Variants in PLPP1 observed in about 807,000 individuals in gnomAD.
PLPP1 encodes lipid phosphate phosphohydrolase 1a.
Under a neutral mutation model 31.2 loss-of-function variants are expected in PLPP1, and 24 were observed. The ratio of observed to expected loss-of-function variants is 0.77; its 90% CI spans 0.56 to 1.08. PLPP1 has a LOEUF of 1.08. Among genes scored for constraint, PLPP1 ranks in the 50% least tolerant of loss-of-function variants. The probability of loss-of-function intolerance (pLI) is 0.00; values close to 1 mark genes in which losing one functional copy is unlikely to be tolerated. For synonymous variants in PLPP1, 146 were observed against 126.3 expected (o/e 1.16, Z -1.05); for missense variants, 319 against 342.7 (o/e 0.93, Z 0.55).
At chr5:55,447,113 G>GT (rs1561226850) in intron 3 of PLPP1, among the ~76,000 whole-genome samples, 1 of 151,964 alleles carries the variant, frequency 6.6e-6, no homozygotes, top group Non-Finnish European at 1.5e-5. Context: ...TGTGTGTAAC[G>GT]TATCATGTAG....
At chr5:55,475,699 A>C (rs1218349155) in intron 1 of PLPP1, among the ~76,000 whole-genome samples, 1 of 152,236 alleles carries the variant, frequency 6.6e-6, no homozygotes, top group Non-Finnish European at 1.5e-5. Flanking sequence ...ACAAAGAGTT[A>C]TCTTTCCTTT....
intron 3 of PLPP1, among the ~76,000 whole-genome samples, chr5:55,448,540 TG>T (rs774908686): frequency 6.8e-6 from 1 of 147,710 alleles, no homozygotes; most frequent in Non-Finnish European, 1.5e-5. Flanking sequence ...CTCCACCTCC[TG>T]GGTTCAAGCG....
In PLPP1 at chr5:55,511,650, G is replaced by GTTTT. The variant is rs1158182340; in HGVS notation, c.58+22918_58+22921dup. On this transcript the variant is annotated intron_variant, in intron 1 of 5. Transcript: ENST00000307259. ...ACTTTAGCGATTTAACACGTGTTGA[G>GTTTT]TTTTTTTTTTTTTTTTTTTTTTTTT... 1.4e-3 allele frequency among the ~76,000 whole-genome samples: 70 copies of GTTTT among 51,498 alleles called. 12 individuals are homozygous for GTTTT. The highest frequency in any genetic ancestry group is 4.3e-3 in the African/African-American group (48 of 11,162). 33.8% of individuals were successfully genotyped at this position (51,498 alleles called of 152,430 possible). A position where few individuals can be genotyped will look rare whatever the true frequency, so the allele number is the denominator to read the frequency against.
chr5:55,431,988 C>G (rs1329973890), intron 4 of PLPP1, among the ~76,000 whole-genome samples: 3 of 152,184 alleles, frequency 2.0e-5, no homozygotes, highest in Non-Finnish European at 4.4e-5. Context: ...GTGGCGTGAT[C>G]ATCACTCACT....
At chr5:55,532,471 T>C (rs1740703898) in intron 1 of PLPP1, among the ~76,000 whole-genome samples, 1 of 152,236 alleles carries the variant, frequency 6.6e-6, no homozygotes, top group Non-Finnish European at 1.5e-5. Flanking sequence ...ATATATTTTT[T>C]TCTGATCGAA....
intron 1 of PLPP1, among the ~76,000 whole-genome samples, chr5:55,516,030 C>T (rs756335723): frequency 6.6e-5 from 10 of 152,140 alleles, no homozygotes; most frequent in Non-Finnish European, 8.8e-5. Context: ...AAACCAGGTT[C>T]TCATCTAGCA....
At chr5:55,514,053 G>GA (rs528884341) in intron 1 of PLPP1, among the ~76,000 whole-genome samples, 1 of 151,860 alleles carries the variant, frequency 6.6e-6, no homozygotes, top group Non-Finnish European at 1.5e-5. Flanking sequence ...AATATGTGTA[G>GA]AAAAAAAATT....
At position 55,518,079 on chromosome 5, in the gene PLPP1, T is replaced by C. The variant is rs192555087; in HGVS notation, c.58+16493A>G. On this transcript the variant is annotated intron_variant, in intron 1 of 5. Transcript: ENST00000307259. ...CAGACTACTGATCTCGTGATCCGCCTGCCTCGGCCTCCCAGAGTGCTGGGA... is the reference window on the plus strand; with the variant it reads ...CAGACTACTGATCTCGTGATCCGCCCGCCTCGGCCTCCCAGAGTGCTGGGA... Among the ~76,000 whole-genome samples the C allele has an allele frequency of 6.5e-4, 99 of 152,236 alleles. No homozygotes were observed. In the East Asian group the frequency reaches 7.9e-3, roughly 12 times the overall value.
chr5:55,499,272 T>C (rs1452275369), intron 1 of PLPP1, among the ~76,000 whole-genome samples: 2 of 152,222 alleles, frequency 1.3e-5, no homozygotes, highest in African/African-American at 4.8e-5. Context: ...GAACTTCCTA[T>C]GTCCATATCC....
intron 1 of PLPP1, among the ~76,000 whole-genome samples, chr5:55,525,957 G>C (rs1391492581): frequency 6.6e-6 from 1 of 151,870 alleles, no homozygotes; most frequent in Non-Finnish European, 1.5e-5. Context: ...TTGAATTAAG[G>C]CACCTAAATT....
intron 3 of PLPP1, among the ~76,000 whole-genome samples, chr5:55,467,150 TA>T (rs1242912383): frequency 6.6e-6 from 1 of 151,652 alleles, no homozygotes; most frequent in African/African-American, 2.4e-5. Context: ...AGTTACCTTA[TA>T]AAAAAAAATC....
intron 2 of PLPP1, among the ~76,000 whole-genome samples, chr5:55,474,326 T>TAAA (rs1252471447): frequency 6.6e-6 from 1 of 152,132 alleles, no homozygotes; most frequent in Non-Finnish European, 1.5e-5. Context: ...AAATCTTGTT[T>TAAA]ATAAAGTCAC....
At chr5:55,428,852 T>C (rs1376690043) in intron 4 of PLPP1, among the ~76,000 whole-genome samples, 1 of 152,198 alleles carries the variant, frequency 6.6e-6, no homozygotes, top group Non-Finnish European at 1.5e-5. Flanking sequence ...GTTACTTCTC[T>C]TTTAAGAGTA....
At chr5:55,466,741 G>T (rs1752305064) in intron 3 of PLPP1, among the ~76,000 whole-genome samples, 1 of 151,912 alleles carries the variant, frequency 6.6e-6, no homozygotes, top group African/African-American at 2.4e-5. Flanking sequence ...AAAAATTGAA[G>T]CTATTAGCAG....
chr5:55,475,209 G>A, intron 2 of PLPP1, 90 bp downstream of exon 2: 1 of 1,133,712 alleles, frequency 8.8e-7, no homozygotes. Flanking sequence ...ATTGTTTTTG[G>A]AGGATTACAC....
intron 4 of PLPP1, among the ~76,000 whole-genome samples, chr5:55,426,745 C>G (rs1034180943): frequency 2.0e-5 from 3 of 152,112 alleles, no homozygotes; most frequent in Admixed American, 6.5e-5. Flanking sequence ...GGATAAAGTG[C>G]TAGCATTCTG....
At chr5:55,511,503 G>A (rs1306229613) in intron 1 of PLPP1, among the ~76,000 whole-genome samples, 4 of 151,908 alleles carry the variant, frequency 2.6e-5, no homozygotes, top group African/African-American at 9.7e-5. Flanking sequence ...TTAAAAAAAT[G>A]TGGGTATATG....
chr5:55,468,441 A>C (rs1256069534), intron 2 of PLPP1, among the ~76,000 whole-genome samples: 1 of 152,160 alleles, frequency 6.6e-6, no homozygotes, highest in Non-Finnish European at 1.5e-5. Flanking sequence ...CTTGTATTCA[A>C]ATAAACAGAG....
chr5:55,451,286 T>C (rs953636864), intron 3 of PLPP1, among the ~76,000 whole-genome samples: 1 of 152,084 alleles, frequency 6.6e-6, no homozygotes, highest in Non-Finnish European at 1.5e-5. Flanking sequence ...TAGGCAGGCG[T>C]GATAGTAAAA....
Sources: allele counts gnomAD v4.1 joint callset (sites outside exome capture counted in the v4.1 genomes callset), GRCh38; gene constraint gnomAD v4.1.1; transcripts MANE v1.5; gene names NCBI Gene and HGNC (gene_info 2026-07-23, HGNC 2026-07-21).